TMEM192: variants seen among roughly 807,000 people sequenced by gnomAD.
The protein encoded by TMEM192 is transmembrane protein 192.
Under a neutral mutation model 26.7 loss-of-function variants are expected in TMEM192, and 20 were observed. That is an observed-to-expected ratio of 0.75 (90% CI 0.53 to 1.09). The LOEUF (loss-of-function observed/expected upper bound fraction) is 1.09. Among genes scored for constraint, TMEM192 ranks in the 50% least tolerant of loss-of-function variants. The pLI, the probability that TMEM192 is intolerant of heterozygous loss-of-function variation, is 0.00. For synonymous variants in TMEM192, 124 were observed against 121.0 expected (o/e 1.02, Z -0.16); for missense variants, 304 against 322.6 (o/e 0.94, Z 0.44).
chr4:165,093,911 T>C (rs917478511), intron 3 of TMEM192, among the ~76,000 whole-genome samples: 5 of 152,076 alleles, frequency 3.3e-5, no homozygotes, highest in African/African-American at 1.2e-4. Context: ...TTTGTTTTGT[T>C]TTTTTGAGTC....
intron 1 of TMEM192, among the ~76,000 whole-genome samples, chr4:165,112,437 C>T (rs77810159): frequency 0.011 from 1,655 of 152,328 alleles, 36 homozygotes; most frequent in African/African-American, 0.038. Context: ...GTTCCGGGAT[C>T]AAAGACGTAC....
intron 4 of TMEM192, 142 bp downstream of exon 4, chr4:165,088,326 G>T: frequency 1.5e-6 from 1 of 653,132 alleles, no homozygotes; most frequent in Non-Finnish European, 2.4e-6. Flanking sequence ...CCTTCCTGTT[G>T]GTTTGAAATT....
At chr4:165,103,327 G>C (rs1409350494) in intron 1 of TMEM192, among the ~76,000 whole-genome samples, 1 of 151,768 alleles carries the variant, frequency 6.6e-6, no homozygotes, top group African/African-American at 2.4e-5. Flanking sequence ...ATGTTGCCCA[G>C]GCTGGTCTTG....
chr4:165,086,524 C>T, intron 4 of TMEM192, among the ~76,000 whole-genome samples: 1 of 150,154 alleles, frequency 6.7e-6, no homozygotes, highest in Non-Finnish European at 1.5e-5. Flanking sequence ...CTCCTAGGTT[C>T]AAGCAATTCT....
chr4:165,096,182 C>T (rs1021511714), intron 3 of TMEM192, among the ~76,000 whole-genome samples: 3 of 151,680 alleles, frequency 2.0e-5, no homozygotes, highest in South Asian at 2.1e-4. Flanking sequence ...CCAAGGGGAG[C>T]GGATCACCTG....
intron 3 of TMEM192, among the ~76,000 whole-genome samples, chr4:165,095,431 C>G (rs1329839692): frequency 6.6e-6 from 1 of 152,128 alleles, no homozygotes; most frequent in Non-Finnish European, 1.5e-5. Context: ...AGTGAGGACT[C>G]CAGCAGGCAT....
At chr4:165,088,963 C>T (rs1367791686) in intron 3 of TMEM192, among the ~76,000 whole-genome samples, 1 of 139,028 alleles carries the variant, frequency 7.2e-6, no homozygotes, top group Non-Finnish European at 1.5e-5. Context: ...ATTGCTTGAG[C>T]CTGGGAGGTT....
chr4:165,109,238 T>C (rs1458987060), intron 1 of TMEM192, among the ~76,000 whole-genome samples: 3 of 152,242 alleles, frequency 2.0e-5, no homozygotes, highest in African/African-American at 7.2e-5. Context: ...TTTTATATTA[T>C]GTCCTTTGTG....
intron 1 of TMEM192, among the ~76,000 whole-genome samples, chr4:165,106,564 G>A (rs755834681): frequency 1.2e-4 from 19 of 152,234 alleles, no homozygotes; most frequent in Admixed American, 2.0e-4. Context: ...ACAAAGCACA[G>A]AATAGGCGTA....
chr4:165,105,741 C>T (rs543190992), intron 1 of TMEM192, among the ~76,000 whole-genome samples: 1 of 152,320 alleles, frequency 6.6e-6, no homozygotes, highest in South Asian at 2.1e-4. Flanking sequence ...GCAATCCTCC[C>T]AAGTGCACTC....
intron 3 of TMEM192, among the ~76,000 whole-genome samples, chr4:165,089,874 G>T (rs937196897): frequency 1.3e-5 from 2 of 152,118 alleles, no homozygotes; most frequent in South Asian, 2.1e-4. Context: ...AGGTATATTT[G>T]GTTTTTGTAT....
intron 3 of TMEM192, among the ~76,000 whole-genome samples, chr4:165,092,884 G>A (rs1217822287): frequency 1.3e-5 from 2 of 151,104 alleles, no homozygotes; most frequent in Non-Finnish European, 2.9e-5. Context: ...GCAACAGAGC[G>A]AGACCTTGTC....
rs1734403932 is a variant in TMEM192 at position 165,077,232 on chromosome 4, T to C, written c.*2426A>G. ...CATAAGAACATAGGCACCCTAACTT[T>C]TTAACTACACTGTTCCTTGTAAACC... On this transcript the variant is annotated 3_prime_UTR_variant, in exon 6 of 6. Transcript: ENST00000306480. 6.6e-6 allele frequency: 1 copy of C among 152,238 alleles called. No homozygotes were observed. Among genetic ancestry groups the C allele is most frequent in the South Asian group, 2.1e-4 (1 of 4,838 alleles). 9.4% of individuals were successfully genotyped at this position (152,238 alleles called of 1,614,324 possible). A position where few individuals can be genotyped will look rare whatever the true frequency, so the allele number is the denominator to read the frequency against.
intron 3 of TMEM192, among the ~76,000 whole-genome samples, chr4:165,094,801 C>T (rs1734855854): frequency 6.6e-6 from 1 of 151,864 alleles, no homozygotes; most frequent in African/African-American, 2.4e-5. Context: ...ACGGTGAAAC[C>T]CTGTCTCTAC....
At chr4:165,080,474 T>C (rs905244927) in intron 5 of TMEM192, among the ~76,000 whole-genome samples, 3 of 152,160 alleles carry the variant, frequency 2.0e-5, no homozygotes, top group Non-Finnish European at 4.4e-5. Context: ...ATATGCCAGA[T>C]GAATTTTAAT....
chr4:165,110,100 C>T (rs1033725029), intron 1 of TMEM192, among the ~76,000 whole-genome samples: 2 of 152,116 alleles, frequency 1.3e-5, no homozygotes, highest in African/African-American at 4.8e-5. Flanking sequence ...TGCAGTGTAA[C>T]CATACAAACA....
chr4:165,103,057 G>A lies in TMEM192; in HGVS notation c.67C>T (p.Leu23Phe). Reference protein sequence around the residue: ...DITQSIEDDPLLDAQLLPHHS... With the variant: ...DITQSIEDDPFLDAQLLPHHS... Reference sequence around the variant, plus strand: ...TGTGGGAGAAGCTGGGCATCCAGAAGTGGGTCGTCTTCAATACTCTGGGTG... The same window carrying A: ...TGTGGGAGAAGCTGGGCATCCAGAAATGGGTCGTCTTCAATACTCTGGGTG... Residue 23 changes from leucine (L) to phenylalanine (F), a missense_variant, in exon 2 of 6, where the codon CTT becomes TTT. Physicochemically the swap from Leu to Phe is conservative, Grantham distance 22. Coordinates refer to ENST00000306480, the MANE Select transcript of TMEM192 (RefSeq NM_001100389.2). The A allele has an allele frequency of 6.2e-7, 1 of 1,613,478 alleles. No homozygotes were observed. The highest frequency in any genetic ancestry group is 8.5e-7 in the Non-Finnish European group (1 of 1,179,734).
At chr4:165,084,565 G>A (rs1734564969) in intron 5 of TMEM192, among the ~76,000 whole-genome samples, 1 of 151,902 alleles carries the variant, frequency 6.6e-6, no homozygotes, top group Non-Finnish European at 1.5e-5. Flanking sequence ...ATGATGTTAA[G>A]GAATAACTCG....
At chr4:165,111,573 C>T (rs1005058698) in intron 1 of TMEM192, 12 of 152,196 alleles carry the variant, frequency 7.9e-5, no homozygotes, top group South Asian at 2.1e-4. Flanking sequence ...ACATTGTCAG[C>T]TCATGAAGCT....
Sources: allele counts gnomAD v4.1 joint callset (sites outside exome capture counted in the v4.1 genomes callset), GRCh38; gene constraint gnomAD v4.1.1; transcripts MANE v1.5; gene names NCBI Gene and HGNC (gene_info 2026-07-23, HGNC 2026-07-21).